SNX19: variants seen among roughly 807,000 people sequenced by gnomAD.
The protein encoded by SNX19 is sorting nexin 19.
Under a neutral mutation model 85.2 loss-of-function variants are expected in SNX19, and 60 were observed. The observed-to-expected ratio is 0.70, with a 90% confidence interval of 0.57 to 0.87. The LOEUF (loss-of-function observed/expected upper bound fraction) is 0.87, where lower values mean the gene tolerates loss of function less well. Among genes scored for constraint, SNX19 ranks in the 40% least tolerant of loss-of-function variants. The pLI is 0.00. For missense variants in SNX19, 1,201 were observed against 1,217.8 expected, an observed-to-expected ratio of 0.99 and a Z score of 0.21; for synonymous variants, 520 against 470.0, an observed-to-expected ratio of 1.11 and a Z score of -1.38.
At chr11:130,908,952 T>C (rs1945877075) in intron 4 of SNX19, among the ~76,000 whole-genome samples, 1 of 152,208 alleles carries the variant, frequency 6.6e-6, no homozygotes, top group East Asian at 1.9e-4. Context: ...TAAGCTAGCA[T>C]AGCCAAGACA....
intron 6 of SNX19, 62 bp from the exon 7 acceptor site, chr11:130,906,195 A>C (rs1592354543): frequency 6.5e-7 from 1 of 1,539,504 alleles, no homozygotes; most frequent in Non-Finnish European, 8.8e-7. Flanking sequence ...CAAATGCAGC[A>C]CTCTAGGTTT....
Position 130,915,027 on chromosome 11 carries a change from C to T in SNX19, c.913G>A (p.Ala305Thr). The T allele has an allele frequency of 6.2e-7, 1 of 1,614,182 alleles. No individual in the cohort carries two copies. The highest frequency in any genetic ancestry group is 1.1e-5 in the South Asian group (1 of 91,082). Residue 305 changes from alanine (A) to threonine (T), a missense_variant, in exon 1 of 11, where the codon GCT (alanine) becomes ACT (threonine). Ala to Thr is a moderately conservative substitution (Grantham distance 58, BLOSUM62 0). This residue lies in a region of SNX19 where 791 missense variants were observed against 750.9 expected (regional missense o/e 1.05). Transcript: ENST00000265909. ...AEVEQLPEGR[A>T]SPVAAPVFLS... ...AATACTGGGGCTGCTACTGGAGAAGCTCTCCCTTCTGGAAGCTGCTCTACC... is the reference window on the plus strand; with the variant it reads ...AATACTGGGGCTGCTACTGGAGAAGTTCTCCCTTCTGGAAGCTGCTCTACC...
At position 130,906,548 on chromosome 11, in the gene SNX19, A is replaced by G. The variant is rs567872307; in HGVS notation, c.2262+77T>C. 1.3e-4 allele frequency: 133 copies of G among 1,007,368 alleles called. No homozygotes were observed. In the African/African-American group the frequency reaches 1.9e-3, roughly 15 times the overall value. 62.4% of individuals were successfully genotyped at this position (1,007,368 alleles called of 1,614,324 possible). Reference sequence around the variant, plus strand: ...AGCAGGACATTTCTGACTTCAGAGAATATCTCAACTACCTGTAACTGCAGG... The same window carrying G: ...AGCAGGACATTTCTGACTTCAGAGAGTATCTCAACTACCTGTAACTGCAGG... On this transcript the variant is annotated intron_variant, in intron 6 of 10. Coordinates refer to ENST00000265909, the MANE Select transcript of SNX19 (RefSeq NM_014758.3).
At chr11:130,905,688 G>C in intron 7 of SNX19, 1 of 1,523,860 alleles carries the variant, frequency 6.6e-7, no homozygotes, top group African/African-American at 1.4e-5. Flanking sequence ...AGTTTAATGA[G>C]TTATCAATAT....
At position 130,906,050 on chromosome 11, in the gene SNX19, G is replaced by A. The variant is rs1945643892; in HGVS notation, c.2346C>T (p.Ala782=). Residue 782 remains alanine, a synonymous_variant, in exon 7 of 11, where the codon GCC becomes GCT. Transcript: ENST00000265909. ...GAGGTTGTTCAGGATCTTTTTCTGG[G>A]GCTTTTGTTGGCTGCATTTCCAGTA... The part of the protein sequence containing the change: ...TKLLEMQPTK[A]PEKDPEQPPK... 1.2e-6 allele frequency: 2 copies of A among 1,614,048 alleles called. No individual in the cohort carries two copies. Among genetic ancestry groups the A allele is most frequent in the South Asian group, 1.1e-5 (1 of 91,084 alleles).
chr11:130,904,239 G>A (rs1047510917), intron 7 of SNX19, among the ~76,000 whole-genome samples: 1 of 152,206 alleles, frequency 6.6e-6, no homozygotes, highest in African/African-American at 2.4e-5. Flanking sequence ...AGTATGTGAT[G>A]TTACAGAATG....
intron 8 of SNX19, among the ~76,000 whole-genome samples, chr11:130,893,444 G>GA (rs1158296941): frequency 5.9e-5 from 9 of 152,036 alleles, no homozygotes; most frequent in Non-Finnish European, 1.2e-4. Flanking sequence ...TAAACAAAGA[G>GA]AAAAAACACT....
intron 10 of SNX19, 73 bp downstream of exon 10, chr11:130,879,551 G>C: frequency 2.2e-6 from 3 of 1,346,980 alleles, no homozygotes; most frequent in Non-Finnish European, 3.2e-6. Flanking sequence ...TTTTCACTCA[G>C]AAACCTTGGA....
chr11:130,903,708 T>TACACAC (rs1364365409), intron 7 of SNX19, among the ~76,000 whole-genome samples: 3 of 119,628 alleles, frequency 2.5e-5, no homozygotes, highest in Non-Finnish European at 5.1e-5. Context: ...TATATATATA[T>TACACAC]ATACACATAC....
intron 4 of SNX19, 93 bp downstream of exon 4, chr11:130,909,925 C>G: frequency 1.3e-6 from 2 of 1,541,348 alleles, no homozygotes; most frequent in Non-Finnish European, 1.8e-6. Context: ...CCACACCCTA[C>G]TGCTCTTATT....
At chr11:130,909,420 T>G (rs1399626066) in intron 4 of SNX19, among the ~76,000 whole-genome samples, 1 of 152,224 alleles carries the variant, frequency 6.6e-6, no homozygotes, top group African/African-American at 2.4e-5. Context: ...TCACTTTTGA[T>G]AAACATAAGC....
intron 2 of SNX19, 73 bp from the exon 3 acceptor site, chr11:130,910,443 TA>T (rs1205334030): frequency 3.6e-6 from 4 of 1,105,360 alleles, no homozygotes; most frequent in Non-Finnish European, 5.2e-6. Flanking sequence ...ATAAAACATA[TA>T]AAGAAAACAG....
chr11:130,913,591 AGT>A (rs199804782), intron 1 of SNX19, among the ~76,000 whole-genome samples: 1 of 147,132 alleles, frequency 6.8e-6, no homozygotes, highest in Non-Finnish European at 1.5e-5. Flanking sequence ...GAGAAATTCA[AGT>A]GTGGAAGGCA....
rs748450006 is a variant in SNX19, at chr11:130,914,502, G to A, written c.1438C>T (p.Pro480Ser). The stretch of plus-strand genomic sequence containing the variant: ...GTGAGATCCTTCTCTAAGCATGACG[G>A]CCGTGAGGGGCAGGTCTTTTCTGGC... ...EGPEKTCPSR[P>S]SCLEKDLTND... The change falls in exon 1 of 11, where the codon CCG (proline) becomes TCG (serine). Residue 480 changes from proline (P) to serine (S), a missense_variant. By Grantham distance (74) the Pro-to-Ser change is moderately conservative. Coordinates refer to ENST00000265909, the MANE Select transcript of SNX19 (RefSeq NM_014758.3). 9.9e-6 allele frequency: 16 copies of A among 1,613,824 alleles called. 1 individual carries two copies. Among genetic ancestry groups the A allele is most frequent in the South Asian group, 9.9e-5 (9 of 91,072 alleles).
At position 130,914,622 on chromosome 11, in the gene SNX19, T is replaced by G; in HGVS notation, c.1318A>C (p.Thr440Pro). ...TETETGLPVS[T>P]LNSCPEIHID... ...TGGATCTCTGGGCAGGAATTCAGTG[T>G]GGAGACCGGCAGGCCTGTCTCTGTT... The change falls in exon 1 of 11, where the codon ACA becomes CCA. Residue 440 changes from threonine to proline, a missense_variant. Around this residue, in one of 3 missense-constraint regions of SNX19, gnomAD observed 791 missense variants for 750.9 expected, o/e 1.05. Coordinates refer to ENST00000265909, the MANE Select transcript of SNX19 (RefSeq NM_014758.3). The G allele has an allele frequency of 6.2e-7, 1 of 1,613,974 alleles. No homozygotes were observed. Among genetic ancestry groups the G allele is most frequent in the South Asian group, 1.1e-5 (1 of 91,084 alleles).
rs753392650 is a variant in SNX19 at position 130,870,417 on chromosome 11, T to C, written c.*8005A>G. Among the ~76,000 whole-genome samples, 18 of 152,186 alleles carry C rather than the reference T, an allele frequency of 1.2e-4. No individual in the cohort carries two copies. The highest frequency in any genetic ancestry group is 2.6e-4 in the Admixed American group (4 of 15,280). On this transcript the variant is annotated 3_prime_UTR_variant, in exon 11 of 11. Coordinates refer to ENST00000265909, the MANE Select transcript of SNX19 (RefSeq NM_014758.3). ...GCAGGGTGCACACCTGAACAGGGGGTAGCCTCTGATGAAACATTTGAGTAA... is the reference window on the plus strand; with the variant it reads ...GCAGGGTGCACACCTGAACAGGGGGCAGCCTCTGATGAAACATTTGAGTAA...
intron 10 of SNX19, 134 bp from the exon 11 acceptor site, chr11:130,878,688 A>C: frequency 8.7e-7 from 1 of 1,145,690 alleles, no homozygotes; most frequent in Non-Finnish European, 1.2e-6. Flanking sequence ...TCTGCCATGA[A>C]ATTAATGTTT....
intron 8 of SNX19, among the ~76,000 whole-genome samples, chr11:130,885,695 CAG>C (rs1194222293): frequency 6.6e-5 from 10 of 152,194 alleles, no homozygotes; most frequent in Non-Finnish European, 1.5e-4. Context: ...AGGAAAATAA[CAG>C]GTCCATTCCT....
chr11:130,898,094 G>A (rs1945002388), intron 8 of SNX19, among the ~76,000 whole-genome samples: 1 of 151,426 alleles, frequency 6.6e-6, no homozygotes, highest in African/African-American at 2.4e-5. Flanking sequence ...GCCTGGCTCA[G>A]ATCAGAGCTC....
Sources: allele counts gnomAD v4.1 joint callset (sites outside exome capture counted in the v4.1 genomes callset), GRCh38; gene constraint gnomAD v4.1.1; regional missense constraint gnomAD v4.1.1; transcripts MANE v1.5; gene names NCBI Gene and HGNC (gene_info 2026-07-23, HGNC 2026-07-21).